Variants in CNTRL observed in about 807,000 individuals in gnomAD.
CNTRL encodes the protein centriolin, also known as 110 kDa centrosomal protein.
In CNTRL, 233 loss-of-function variants were observed where a neutral mutation model predicts 303.7. That is an observed-to-expected ratio of 0.77 (90% CI 0.69 to 0.86). The LOEUF (loss-of-function observed/expected upper bound fraction) is 0.86. Among genes scored for constraint, CNTRL ranks in the 40% least tolerant of loss-of-function variants. The pLI is 0.00. For synonymous variants in CNTRL, 900 were observed against 922.2 expected, an observed-to-expected ratio of 0.98 and a Z score of 0.44; for missense variants, 2,524 against 2,650.6, an observed-to-expected ratio of 0.95 and a Z score of 1.05.
intron 38 of CNTRL, among the ~76,000 whole-genome samples, chr9:121,168,566 G>C (rs1408022239): frequency 6.6e-6 from 1 of 152,166 alleles, no homozygotes; most frequent in Non-Finnish European, 1.5e-5. Context: ...GCCATCTCAA[G>C]AAAGTGGAAC....
At chr9:121,090,157 C>T in intron 3 of CNTRL, 118 bp from the exon 4 acceptor site, 1 of 636,782 alleles carries the variant, frequency 1.6e-6, no homozygotes, top group Non-Finnish European at 2.3e-6. Flanking sequence ...AAATAGCCAG[C>T]TTTTTTGGTA....
At chr9:121,093,435 C>T (rs2048752457) in intron 4 of CNTRL, among the ~76,000 whole-genome samples, 2 of 152,098 alleles carry the variant, frequency 1.3e-5, no homozygotes, top group Non-Finnish European at 2.9e-5. Context: ...ATTTGTGTTG[C>T]TTAACCAGTA....
At chr9:121,092,502 T>TA (rs71492401) in intron 4 of CNTRL, among the ~76,000 whole-genome samples, 7 of 80,642 alleles carry the variant, frequency 8.7e-5, no homozygotes, top group African/African-American at 3.1e-4. Flanking sequence ...TATCTATATA[T>TA]ATAATATATA....
In CNTRL at chr9:121,160,175, T is replaced by C; in HGVS notation, c.4962T>C (p.Phe1654=). The C allele has an allele frequency of 6.6e-7, 1 of 1,518,442 alleles. No homozygotes were observed. The highest frequency in any genetic ancestry group is 8.8e-7 in the Non-Finnish European group (1 of 1,139,962). The allele number at this position is 1,518,442 out of a possible 1,614,324, so 94.1% of individuals were successfully genotyped here. A position where few individuals can be genotyped will look rare whatever the true frequency, so the allele number is the denominator to read the frequency against. ...EVKSLLEELS[F]QKGELNVQIS... ...AATCTCTTCTGGAAGAACTGAGTTTTCAGAAAGGAGAACTAAATGTTCAGA... is the reference window on the plus strand; with the variant it reads ...AATCTCTTCTGGAAGAACTGAGTTTCCAGAAAGGAGAACTAAATGTTCAGA... Residue 1654 remains phenylalanine, a synonymous_variant, in exon 32 of 44, where the codon TTT becomes TTC. Transcript: ENST00000373855.
rs756405548 is a variant in CNTRL at position 121,173,645 on chromosome 9, CATG to C, written c.6685-27_6685-25del. The C allele has an allele frequency of 3.4e-5, 55 of 1,612,762 alleles. 1 individual carries two copies. The South Asian group carries it at 4.8e-4, about 14-fold the overall frequency. ...CTTCCATTTGTAGCAGCAGATGATT[CATG>C]ATATCTCTATTTTCCCTCTGAGAAA... On this transcript the variant is annotated intron_variant, in intron 41 of 43. Transcript: ENST00000373855.
chr9:121,094,090 A>G (rs1264487344), intron 4 of CNTRL, among the ~76,000 whole-genome samples: 1 of 152,076 alleles, frequency 6.6e-6, no homozygotes, highest in Non-Finnish European at 1.5e-5. Context: ...AGCCTGGCCA[A>G]CAGCGAGACT....
chr9:121,103,792 C>T (rs1442877978), intron 7 of CNTRL, among the ~76,000 whole-genome samples: 1 of 152,134 alleles, frequency 6.6e-6, no homozygotes, highest in Non-Finnish European at 1.5e-5. Context: ...TCATCACTGG[C>T]CATCAGAGAA....
intron 6 of CNTRL, among the ~76,000 whole-genome samples, chr9:121,097,199 G>C (rs1242996548): frequency 1.3e-5 from 2 of 152,014 alleles, no homozygotes; most frequent in African/African-American, 4.8e-5. Flanking sequence ...TAGTAAATTT[G>C]TTAATTTATT....
chr9:121,167,799 C>G, intron 37 of CNTRL, 122 bp downstream of exon 37: 2 of 841,970 alleles, frequency 2.4e-6, no homozygotes, highest in Non-Finnish European at 3.7e-6. Context: ...CTTAACTGCC[C>G]TGTGTAGCCA....
chr9:121,158,999 G>C lies in CNTRL; in HGVS notation c.4909G>C (p.Glu1637Gln). Residue 1637 changes from glutamate (E) to glutamine (Q), a missense_variant, in exon 31 of 44, where the codon GAG becomes CAG. Glu to Gln is a conservative substitution (Grantham distance 29). Transcript: ENST00000373855. ...ALRLGETEVT[E>Q]KCNHIREVKS... ...GAGACTGGGAGAGACTGAAGTAACT[G>C]AGAAGTGCAATCACATTAGGGTGTG... is the stretch of plus-strand genomic sequence containing the variant. 6.2e-7 allele frequency: 1 copy of C among 1,614,156 alleles called. No individual in the cohort carries two copies. Among genetic ancestry groups the C allele is most frequent in the Non-Finnish European group, 8.5e-7 (1 of 1,180,016 alleles).
At chr9:121,169,494 G>A in intron 38 of CNTRL, 117 bp from the exon 39 acceptor site, 1 of 994,812 alleles carries the variant, frequency 1.0e-6, no homozygotes, top group Non-Finnish European at 1.5e-6. Flanking sequence ...TTGTAATGGA[G>A]GAAAGCACCT....
At chr9:121,101,827 T>C (rs1303862633) in intron 7 of CNTRL, among the ~76,000 whole-genome samples, 1 of 152,106 alleles carries the variant, frequency 6.6e-6, no homozygotes, top group Non-Finnish European at 1.5e-5. Context: ...CCTGGACACA[T>C]ACACCCTCCC....
chr9:121,131,732 G>A (rs1208242846), intron 14 of CNTRL, among the ~76,000 whole-genome samples: 1 of 152,194 alleles, frequency 6.6e-6, no homozygotes, highest in East Asian at 1.9e-4. Context: ...TGGCATTGAT[G>A]GTCTTTACAA....
chr9:121,107,948 C>T lies in CNTRL; in HGVS notation c.955C>T (p.Gln319Ter). The T allele has an allele frequency of 1.2e-6, 2 of 1,602,002 alleles. No individual in the cohort carries two copies. The highest frequency in any genetic ancestry group is 1.7e-6 in the Non-Finnish European group (2 of 1,176,580). The change falls in exon 8 of 44, where the codon CAG (glutamine) becomes TAG (stop). Residue 319 changes from glutamine to a stop codon, truncating the protein, a stop_gained. Transcript: ENST00000373855. LOFTEE classifies it high-confidence loss of function. ...AAAAGAGGAGGCCATGTTACAGAAA[C>T]AGAGCTGTGAGGAACTCAAGAGTGA... ...SLKEEAMLQK[Q>*]SCEELKSDLN...
chr9:121,162,083 GATA>G lies in CNTRL; in HGVS notation c.5236_5238del (p.Ile1746del). The G allele has an allele frequency of 6.2e-7, 1 of 1,614,198 alleles. No individual in the cohort carries two copies. The highest frequency in any genetic ancestry group is 8.5e-7 in the Non-Finnish European group (1 of 1,180,030). On this transcript the variant is annotated inframe_deletion, in exon 34 of 44. Transcript: ENST00000373855. Reference sequence around the variant, plus strand: ...AACTGGAGTTAGAGAATTTGCAGCAGATATCCCAGCAGCAGAAAGGGGAAATAG... The same window carrying G: ...AACTGGAGTTAGAGAATTTGCAGCAGTCCCAGCAGCAGAAAGGGGAAATAG...
Position 121,177,551 on chromosome 9 carries a change from G to GTTAT in CNTRL, c.*368_*371dup, listed in dbSNP as rs2034307645. On this transcript the variant is annotated 3_prime_UTR_variant, in exon 44 of 44. Transcript: ENST00000373855. ...AGGCCCTCTTTATTTATAGTGTCGA[G>GTTAT]TTATTTTTGAATTTTGCTTAAAATC... The GTTAT allele has an allele frequency of 4.3e-6, 1 of 233,120 alleles. No individual in the cohort carries two copies. The highest frequency in any genetic ancestry group is 5.7e-5 in the Admixed American group (1 of 17,602). 14.4% of individuals were successfully genotyped at this position (233,120 alleles called of 1,614,324 possible).
At chr9:121,083,345 C>T (rs1024298086) in intron 2 of CNTRL, among the ~76,000 whole-genome samples, 1 of 152,082 alleles carries the variant, frequency 6.6e-6, no homozygotes, top group African/African-American at 2.4e-5. Flanking sequence ...TCTTTATAAC[C>T]TTATTCTATA....
At chr9:121,175,767 A>G (rs746714964) in intron 43 of CNTRL, among the ~76,000 whole-genome samples, 2 of 152,224 alleles carry the variant, frequency 1.3e-5, no homozygotes, top group Non-Finnish European at 2.9e-5. Flanking sequence ...AGATTGGATG[A>G]CCTGGCAGGG....
intron 7 of CNTRL, among the ~76,000 whole-genome samples, chr9:121,102,627 G>A (rs549030298): frequency 1.2e-4 from 19 of 152,266 alleles, no homozygotes; most frequent in African/African-American, 3.1e-4. Flanking sequence ...TGCAGATGAC[G>A]TGATTGTATA....
Sources: allele counts gnomAD v4.1 joint callset (sites outside exome capture counted in the v4.1 genomes callset), GRCh38; gene constraint gnomAD v4.1.1; transcripts MANE v1.5; gene names NCBI Gene and HGNC (gene_info 2026-07-23, HGNC 2026-07-21).